The following TMEM184B variants were observed in gnomAD, a reference collection of about 807,000 sequenced individuals.
The protein encoded by TMEM184B is putative MAPK-activating protein FM08.
A neutral mutation model predicts 41.8 loss-of-function variants in TMEM184B; 17 were observed. That is an observed-to-expected ratio of 0.41 (90% CI 0.28 to 0.61). The LOEUF is 0.61. Among genes scored for constraint, TMEM184B ranks in the 20% least tolerant of loss-of-function variants. TMEM184B has a pLI of 0.34. For missense variants in TMEM184B, 393 were observed against 557.8 expected, an observed-to-expected ratio of 0.70 and a Z score of 2.98; for synonymous variants, 240 against 229.5, an observed-to-expected ratio of 1.05 and a Z score of -0.41.
At position 38,219,579 on chromosome 22, in the gene TMEM184B, T is replaced by C. The variant is rs909782070; in HGVS notation, c.*1890A>G. ...ATGCATCCTAAGGAGGAGGAGGGGA[T>C]GGAGCGGTCGGGCACATGTTCCCGT... On this transcript the variant is annotated 3_prime_UTR_variant, in exon 9 of 9. Coordinates refer to ENST00000361906, the MANE Select transcript of TMEM184B (RefSeq NM_012264.5). 5 of 983,702 alleles carry C rather than the reference T, an allele frequency of 5.1e-6. No homozygotes were observed. The African/African-American group carries it at 8.8e-5, about 17-fold the overall frequency. The allele number at this position is 983,702 out of a possible 1,614,324, so 60.9% of individuals were successfully genotyped here. A position where few individuals can be genotyped will look rare whatever the true frequency, so the allele number is the denominator to read the frequency against.
chr22:38,218,465 C>T (rs76865118), downstream of TMEM184B, among the ~76,000 whole-genome samples: 5,799 of 152,162 alleles, frequency 0.038, 239 homozygotes, highest in East Asian at 0.15. Flanking sequence ...TTTAACACTC[C>T]GAACACACAT....
chr22:38,246,258 G>A (rs941393621), intron 2 of TMEM184B, among the ~76,000 whole-genome samples, 158 bp from the exon 3 acceptor site: 1 of 152,192 alleles, frequency 6.6e-6, no homozygotes, highest in Non-Finnish European at 1.5e-5. Context: ...GGGATGACAG[G>A]ACTTGCCTCC....
rs202001576 is a variant in TMEM184B, at chr22:38,231,297, C to T, written c.396G>A (p.Glu132=). 1.1e-5 allele frequency: 18 copies of T among 1,614,044 alleles called. No individual in the cohort carries two copies. Among genetic ancestry groups the T allele is most frequent in the Admixed American group, 3.3e-5 (2 of 60,006 alleles). The part of the protein sequence containing the change: ...VIYNFLSLCY[E]YLGGESSIMS... The stretch of plus-strand genomic sequence containing the variant: ...TGATGGAACTTTCTCCTCCTAGGTA[C>T]TCATAGCACAGGCTCAGGAAATTAT... The change falls in exon 4 of 9, where the codon GAG becomes GAA. Residue 132 remains glutamate (E), a synonymous_variant. Coordinates refer to ENST00000361906, the MANE Select transcript of TMEM184B (RefSeq NM_012264.5).
chr22:38,221,726 C>A lies in TMEM184B; in HGVS notation c.983-16G>T, dbSNP rs774948469. The A allele has an allele frequency of 6.2e-7, 1 of 1,612,038 alleles. No homozygotes were observed. Among genetic ancestry groups the A allele is most frequent in the Admixed American group, 1.7e-5 (1 of 59,956 alleles). ...GCACAGCGGCCTGCCGGGCAGGGAG[C>A]GGGAGGGGCAGGTGAGGAGGCTGGG... On this transcript the variant is annotated splice_polypyrimidine_tract_variant and intron_variant, in intron 8 of 8. Transcript: ENST00000361906.
rs1189639099 is a variant in TMEM184B, at chr22:38,225,104, C to T, written c.788-125G>A. 4 of 1,158,356 alleles carry T rather than the reference C, an allele frequency of 3.5e-6. No homozygotes were observed. Among genetic ancestry groups the T allele is most frequent in the Non-Finnish European group, 4.7e-6 (4 of 847,338 alleles). The allele number at this position is 1,158,356 out of a possible 1,614,324, so 71.8% of individuals were successfully genotyped here. ...GATGTGAGCAGGGCCACAGCTGCTC[C>T]TGCAGGGCAGGGGTAGCGACACAAG... is the stretch of plus-strand genomic sequence containing the variant. On this transcript the variant is annotated intron_variant, in intron 7 of 8. Transcript: ENST00000361906. The surrounding 1 kb of genome is among the most constrained non-coding windows in gnomAD (Gnocchi z 4.4).
chr22:38,268,387 AAAAG>A lies in TMEM184B; in HGVS notation c.-59+4493_-59+4496del, dbSNP rs1342201825. Among the ~76,000 whole-genome samples, 9 of 151,552 alleles carry A rather than the reference AAAAG, an allele frequency of 5.9e-5. No homozygotes were observed. In the East Asian group the frequency reaches 1.7e-3, roughly 29 times the overall value. On this transcript the variant is annotated intron_variant, in intron 1 of 8. Coordinates refer to ENST00000361906, the MANE Select transcript of TMEM184B (RefSeq NM_012264.5). Reference sequence around the variant, plus strand: ...GAGACCCTGTCTCAAAAAAAAAAAAAAAAGAAAGAATTCTGGCAGACTCAGACGC... The same window carrying A: ...GAGACCCTGTCTCAAAAAAAAAAAAAAAAGAATTCTGGCAGACTCAGACGC...
At chr22:38,250,039 C>T (rs767342043) in intron 1 of TMEM184B, among the ~76,000 whole-genome samples, 10 of 152,242 alleles carry the variant, frequency 6.6e-5, no homozygotes, top group African/African-American at 2.2e-4. Context: ...AGAGAATGAG[C>T]GAACACCAAC....
chr22:38,255,961 T>C (rs926771512), intron 1 of TMEM184B, among the ~76,000 whole-genome samples: 1 of 152,136 alleles, frequency 6.6e-6, no homozygotes, highest in South Asian at 2.1e-4. Flanking sequence ...ATAGTGGTAG[T>C]GGTTACATGA....
chr22:38,258,492 G>A (rs1227045178), intron 1 of TMEM184B, among the ~76,000 whole-genome samples: 6 of 151,976 alleles, frequency 3.9e-5, no homozygotes, highest in Non-Finnish European at 7.4e-5. Context: ...TAGAGACAGA[G>A]TTTCACCATA....
chr22:38,240,626 G>A (rs1261609581), intron 3 of TMEM184B, among the ~76,000 whole-genome samples: 5 of 151,184 alleles, frequency 3.3e-5, no homozygotes, highest in East Asian at 2.0e-4. Flanking sequence ...GGAAGGGCCC[G>A]CCAGGTTGCC....
chr22:38,234,480 T>C (rs531899145), intron 3 of TMEM184B, among the ~76,000 whole-genome samples: 1 of 152,216 alleles, frequency 6.6e-6, no homozygotes, highest in Non-Finnish European at 1.5e-5. Context: ...CTGCACCCAG[T>C]CCAAATTCTT....
intron 1 of TMEM184B, among the ~76,000 whole-genome samples, chr22:38,260,331 C>A (rs2092352303): frequency 6.6e-6 from 1 of 152,196 alleles, no homozygotes; most frequent in South Asian, 2.1e-4. Context: ...GCTGGGATTA[C>A]AGATGTGAGC....
At chr22:38,238,094 C>T (rs1352948298) in intron 3 of TMEM184B, among the ~76,000 whole-genome samples, 2 of 152,000 alleles carry the variant, frequency 1.3e-5, no homozygotes, top group East Asian at 3.9e-4. Flanking sequence ...GCCACTGCGC[C>T]CAGCCCCCTC....
intron 1 of TMEM184B, among the ~76,000 whole-genome samples, chr22:38,259,457 G>A (rs945785985): frequency 2.6e-5 from 4 of 152,330 alleles, no homozygotes; most frequent in Non-Finnish European, 5.9e-5. Context: ...AAGGGTCCTC[G>A]TAGGAGGAAG....
rs1182803874 is a variant in TMEM184B, at chr22:38,221,539, C to T, written c.1154G>A (p.Arg385His). The T allele has an allele frequency of 7.4e-6, 12 of 1,613,782 alleles. No homozygotes were observed. The highest frequency in any genetic ancestry group is 5.0e-5 in the Admixed American group (3 of 60,004). ...GCGGGCGCCACTGAGGCTGTGGGAG[C>T]GGGAGAGGCCGTGGGCGCCACCACG... Reference protein sequence around the residue: ...TWRGGAHGLSRSHSLSGARDN... With the variant: ...TWRGGAHGLSHSHSLSGARDN... Residue 385 changes from arginine (R) to histidine (H), a missense_variant, in exon 9 of 9, where the codon CGC (arginine) becomes CAC (histidine). By Grantham distance (29) the Arg-to-His change is conservative. Coordinates refer to ENST00000361906, the MANE Select transcript of TMEM184B (RefSeq NM_012264.5).
intron 3 of TMEM184B, among the ~76,000 whole-genome samples, chr22:38,234,212 T>G (rs1022752898): frequency 6.6e-6 from 1 of 152,200 alleles, no homozygotes; most frequent in Non-Finnish European, 1.5e-5. Flanking sequence ...ATGTAGGGGT[T>G]GGAAGAGGCC....
intron 1 of TMEM184B, among the ~76,000 whole-genome samples, chr22:38,266,938 C>T (rs2092451446): frequency 6.6e-6 from 1 of 152,038 alleles, no homozygotes; most frequent in Non-Finnish European, 1.5e-5. Context: ...AAAAAATTAG[C>T]CGGGCGCCGT....
chr22:38,250,391 G>A (rs1260406879), intron 1 of TMEM184B, among the ~76,000 whole-genome samples: 5 of 152,286 alleles, frequency 3.3e-5, no homozygotes, highest in South Asian at 2.1e-4. Context: ...GACACAAATC[G>A]AGACTAAAAC....
At chr22:38,222,629 G>A (rs1254994447) in intron 8 of TMEM184B, 2 of 985,326 alleles carry the variant, frequency 2.0e-6, no homozygotes, top group Non-Finnish European at 2.4e-6. Context: ...TGCAGACCAA[G>A]AGCGGGACCT....
Sources: allele counts gnomAD v4.1 joint callset (sites outside exome capture counted in the v4.1 genomes callset), GRCh38; gene constraint gnomAD v4.1.1; non-coding constraint Gnocchi (gnomAD v3.1); transcripts MANE v1.5; gene names NCBI Gene and HGNC (gene_info 2026-07-23, HGNC 2026-07-21).